AK9: variants seen among roughly 807,000 people sequenced by gnomAD.
AK9 encodes the protein adenylate kinase 9, also known as adenylate kinase domain containing 1.
Under a neutral mutation model 239.6 loss-of-function variants are expected in AK9, and 191 were observed. The observed-to-expected ratio is 0.80, with a 90% confidence interval of 0.71 to 0.90. The LOEUF (loss-of-function observed/expected upper bound fraction) is 0.90, where lower values mean the gene tolerates loss of function less well. Among genes scored for constraint, AK9 ranks in the 40% least tolerant of loss-of-function variants. The pLI is 0.00. For missense variants in AK9, 1,995 were observed against 2,214.7 expected (o/e 0.90, Z 1.99); for synonymous variants, 689 against 721.0 (o/e 0.96, Z 0.71).
At chr6:109,505,635 G>T (rs548656414) in intron 35 of AK9, among the ~76,000 whole-genome samples, 1 of 152,000 alleles carries the variant, frequency 6.6e-6, no homozygotes, top group Non-Finnish European at 1.5e-5. Flanking sequence ...TCATGGACCC[G>T]TATAACTACT....
intron 29 of AK9, among the ~76,000 whole-genome samples, chr6:109,517,021 T>A (rs1250313597): frequency 1.3e-5 from 2 of 152,196 alleles, no homozygotes; most frequent in East Asian, 3.8e-4. Context: ...TGTGCTTGAG[T>A]TCCTTGGTGG....
At position 109,517,167 on chromosome 6, in the gene AK9, G is replaced by C. The variant is rs559725374; in HGVS notation, c.3634-525C>G. 7.8e-4 allele frequency among the ~76,000 whole-genome samples: 118 copies of C among 152,108 alleles called. 1 individual carries two copies. Among genetic ancestry groups the C allele is most frequent in the South Asian group, 6.2e-3 (30 of 4,818 alleles). ...CCACTGCTTCTTTCAAAGGGTCTGT[G>C]GTTTCTTTCAGTTTTCCTGTTAAGT... On this transcript the variant is annotated intron_variant, in intron 29 of 40. Transcript: ENST00000424296.
At chr6:109,635,131 AAC>A (rs1796555889) in intron 10 of AK9, among the ~76,000 whole-genome samples, 2 of 152,176 alleles carry the variant, frequency 1.3e-5, no homozygotes, top group Non-Finnish European at 2.9e-5. Flanking sequence ...AAAAGAAATA[AAC>A]TCATGAGGAC....
Position 109,509,182 on chromosome 6 carries a change from G to T in AK9, c.4478C>A (p.Ala1493Glu). The T allele has an allele frequency of 6.4e-7, 1 of 1,551,936 alleles. No individual in the cohort carries two copies. ...TCCTCTCACCCCATTCACTTACCCTGCAGTATTGCACACACTTTCCATCAG... is the reference window on the plus strand; with the variant it reads ...TCCTCTCACCCCATTCACTTACCCTTCAGTATTGCACACACTTTCCATCAG... Reference protein sequence around the residue: ...LSLMESVCNTAGVVIDGYPVT... With the variant: ...LSLMESVCNTEGVVIDGYPVT... Residue 1493 changes from alanine (A) to glutamate (E), a missense_variant, in exon 33 of 41, where the codon GCA becomes GAA. This residue lies in a region of AK9 where 45 missense variants were observed against 80.5 expected (regional missense o/e 0.56). Transcript: ENST00000424296.
rs145586040 is a variant in AK9, at chr6:109,674,251, T to C, written c.128A>G (p.Lys43Arg). The change falls in exon 3 of 41, where the codon AAA becomes AGA. Residue 43 changes from lysine (K) to arginine (R), a missense_variant. Lys to Arg is a conservative substitution (Grantham distance 26). Coordinates refer to ENST00000424296, the MANE Select transcript of AK9 (RefSeq NM_001145128.3). ...TGTTATGTAACGGGCTAATGTTGTT[T>C]TCCCAACACCCTTAAAAAGAAAAAT... ...FVVFGKPGVG[K>R]TTLARYITQA... The C allele has an allele frequency of 1.3e-6, 2 of 1,574,050 alleles. No individual in the cohort carries two copies. The highest frequency in any genetic ancestry group is 1.4e-5 in the African/African-American group (1 of 73,678).
At chr6:109,592,823 T>C (rs757939952) in intron 17 of AK9, among the ~76,000 whole-genome samples, 1 of 152,088 alleles carries the variant, frequency 6.6e-6, no homozygotes, top group Non-Finnish European at 1.5e-5. Flanking sequence ...TGACGTTAGA[T>C]AGTCTGATGA....
At chr6:109,632,896 T>TAGAC (rs1554276586) in intron 12 of AK9, 27 bp downstream of exon 12, 7 of 1,603,000 alleles carry the variant, frequency 4.4e-6, no homozygotes, top group South Asian at 3.3e-5. Flanking sequence ...GATAGATAGA[T>TAGAC]AGATAGACAG....
chr6:109,567,786 G>A (rs1786784049), intron 21 of AK9, among the ~76,000 whole-genome samples: 1 of 149,404 alleles, frequency 6.7e-6, no homozygotes, highest in Non-Finnish European at 1.5e-5. Flanking sequence ...TAATGCAAAT[G>A]ACGAGTTAAT....
Position 109,573,487 on chromosome 6 carries a change from CAG to C in AK9, c.2297_2298del (p.Pro766ArgfsTer4). The C allele has an allele frequency of 1.3e-6, 2 of 1,551,328 alleles. No homozygotes were observed. The highest frequency in any genetic ancestry group is 1.7e-6 in the Non-Finnish European group (2 of 1,146,780). ...ASHDTRGSWL[P>X]EEFEASEVPE... Reference sequence around the variant, plus strand: ...GGGACCTCAGATGCTTCAAACTCCTCAGGTAACCATGACCCTCGGGTATCGTG... The same window carrying C: ...GGGACCTCAGATGCTTCAAACTCCTCGTAACCATGACCCTCGGGTATCGTG... On this transcript the variant is annotated frameshift_variant, in exon 21 of 41. Coordinates refer to ENST00000424296, the MANE Select transcript of AK9 (RefSeq NM_001145128.3). LOFTEE classifies it high-confidence loss of function.
chr6:109,668,422 T>C (rs1021034978), intron 5 of AK9, among the ~76,000 whole-genome samples: 2 of 152,070 alleles, frequency 1.3e-5, no homozygotes, highest in South Asian at 4.2e-4. Context: ...TTTGTCAATT[T>C]TGACTTTTGT....
rs200174686 is a variant in AK9, at chr6:109,668,715, C to T, written c.331+3204G>A. Among the ~76,000 whole-genome samples the T allele has an allele frequency of 2.0e-4, 18 of 88,438 alleles. 8 individuals are homozygous for T. In the Admixed American group the frequency reaches 2.5e-3, roughly 12 times the overall value. The allele number at this position is 88,438 out of a possible 152,430, so 58.0% of individuals were successfully genotyped here. On this transcript the variant is annotated intron_variant, in intron 5 of 40. Transcript: ENST00000424296. Reference sequence around the variant, plus strand: ...CAAAGATCAGATAGTTGTAGATCTGCGGCATTATTTCTGAGGCCTCTGTTC... The same window carrying T: ...CAAAGATCAGATAGTTGTAGATCTGTGGCATTATTTCTGAGGCCTCTGTTC...
chr6:109,493,664 C>CTCATTTGGCTGGGAGTTGCCA (rs1182451191), intron 40 of AK9, 93 bp from the exon 41 acceptor site: 1 of 1,123,762 alleles, frequency 8.9e-7, no homozygotes, highest in Admixed American at 2.2e-5. Context: ...GTTAGTTACA[C>CTCATTTGGCTGGGAGTTGCCA]AGTTATGGTT....
intron 24 of AK9, among the ~76,000 whole-genome samples, chr6:109,560,713 A>G (rs1785645200): frequency 6.6e-6 from 1 of 152,050 alleles, no homozygotes; most frequent in Non-Finnish European, 1.5e-5. Flanking sequence ...GTGATGTTAG[A>G]CTGCAGTTTG....
intron 1 of AK9, among the ~76,000 whole-genome samples, chr6:109,687,204 G>C (rs1278671436): frequency 6.6e-6 from 1 of 152,148 alleles, no homozygotes; most frequent in African/African-American, 2.4e-5. Flanking sequence ...TCAATTTGGA[G>C]GACAATGCGG....
At position 109,641,609 on chromosome 6, in the gene AK9, A is replaced by T. The variant is rs768295502; in HGVS notation, c.842T>A (p.Met281Lys). The change falls in exon 10 of 41, where the codon ATG (methionine) becomes AAG (lysine). Residue 281 changes from methionine to lysine, a missense_variant. Coordinates refer to ENST00000424296, the MANE Select transcript of AK9 (RefSeq NM_001145128.3). ...TAGGTTCAGATATTTAAGTCGATCC[A>T]TAACAATCTAGATTTAAAGAACAGA... is the stretch of plus-strand genomic sequence containing the variant. ...KPAEELFMIV[M>K]DRLKYLNLKR... The T allele has an allele frequency of 2.5e-6, 4 of 1,609,990 alleles. No individual in the cohort carries two copies. The Admixed American group carries it at 6.7e-5, about 27-fold the overall frequency.
intron 8 of AK9, among the ~76,000 whole-genome samples, chr6:109,647,596 T>C (rs1418861481): frequency 6.6e-6 from 1 of 152,168 alleles, no homozygotes; most frequent in Non-Finnish European, 1.5e-5. Flanking sequence ...AAGCAAGTCC[T>C]TAGTGACTTA....
intron 17 of AK9, among the ~76,000 whole-genome samples, chr6:109,600,086 T>C (rs1791694540): frequency 6.6e-6 from 1 of 152,196 alleles, no homozygotes; most frequent in African/African-American, 2.4e-5. Context: ...TCCTGCCTGA[T>C]TGCCTTGGCC....
intron 2 of AK9, 40 bp downstream of exon 2, chr6:109,675,589 A>T (rs1390454626): frequency 5.6e-6 from 7 of 1,251,636 alleles, no homozygotes; most frequent in African/African-American, 1.6e-5. Flanking sequence ...GTGATTTTAA[A>T]AATAAAAAAA....
At chr6:109,675,856 T>C (rs999717196) in intron 1 of AK9, 100 bp from the exon 2 acceptor site, 1 of 688,120 alleles carries the variant, frequency 1.5e-6, no homozygotes, top group Non-Finnish European at 2.5e-6. Flanking sequence ...AGCCCAGAAG[T>C]CATTTTGTAC....
Sources: gnomAD v4.1 joint callset for allele counts (sites outside exome capture counted in the v4.1 genomes callset) on GRCh38, gnomAD v4.1.1 for gene constraint, gnomAD v4.1.1 regional missense constraint, MANE v1.5 for transcripts, NCBI Gene and HGNC (gene_info 2026-07-23, HGNC 2026-07-21) for gene names.